Variants in GSE1 observed in about 807,000 individuals in gnomAD.
GSE1 encodes the protein Gse1 coiled-coil protein, also known as genetic suppressor element 1.
In GSE1, 32 loss-of-function variants were observed where a neutral mutation model predicts 112.6. That is an observed-to-expected ratio of 0.28 (90% CI 0.21 to 0.38). The LOEUF (loss-of-function observed/expected upper bound fraction) is 0.38, where lower values mean the gene tolerates loss of function less well. Ranked by LOEUF, GSE1 falls within the 10% of genes least tolerant of loss-of-function variation. The probability of loss-of-function intolerance (pLI) is 1.00; values close to 1 mark genes in which losing one functional copy is unlikely to be tolerated. For missense variants in GSE1, 2,348 were observed against 1,699.2 expected, an observed-to-expected ratio of 1.38 and a Z score of -6.71; for synonymous variants, 1,115 against 735.6, an observed-to-expected ratio of 1.52 and a Z score of -8.35.
intron 1 of GSE1, among the ~76,000 whole-genome samples, chr16:85,177,704 A>G (rs2074495850): frequency 6.6e-6 from 1 of 152,200 alleles, no homozygotes; most frequent in African/African-American, 2.4e-5. Context: ...CTGTGAGGCT[A>G]AGAACGGGAG....
At chr16:85,461,561 C>G (rs1229862725) in intron 2 of GSE1, among the ~76,000 whole-genome samples, 1 of 152,126 alleles carries the variant, frequency 6.6e-6, no homozygotes, top group African/African-American at 2.4e-5. Flanking sequence ...TAATCTGTTG[C>G]GAGGGGTTCG....
At chr16:85,357,924 T>G (rs1597476767) in intron 2 of GSE1, among the ~76,000 whole-genome samples, 2 of 152,118 alleles carry the variant, frequency 1.3e-5, no homozygotes, top group East Asian at 3.9e-4. Flanking sequence ...ACCTATACAC[T>G]CTCTTGTCTT....
chr16:85,488,140 C>G (rs766813216), intron 2 of GSE1, among the ~76,000 whole-genome samples: 1 of 152,174 alleles, frequency 6.6e-6, no homozygotes, highest in Non-Finnish European at 1.5e-5. Context: ...GAGGAAAACC[C>G]GAGTGATGGG....
At chr16:85,438,524 G>C (rs547743834) in intron 2 of GSE1, among the ~76,000 whole-genome samples, 1 of 152,290 alleles carries the variant, frequency 6.6e-6, no homozygotes, top group South Asian at 2.1e-4. Flanking sequence ...TAGAAGGTAG[G>C]TGCTGTCAGC....
rs13333717 is a variant in GSE1 at position 85,434,330 on chromosome 16, A to C, written c.2464+76687A>C. Among the ~76,000 whole-genome samples the C allele has an allele frequency of 2.5e-3, 304 of 122,072 alleles. 2 individuals are homozygous for C. The East Asian group carries it at 0.049, about 20-fold the overall frequency. The allele number at this position is 122,072 out of a possible 152,430, so 80.1% of individuals were successfully genotyped here. ...GTCTAATAATAATAATAATAATAAT[A>C]ATAATAATAATAATAATCAGTGCCG... On this transcript the variant is annotated intron_variant, in intron 2 of 2. Coordinates refer to the GSE1 transcript ENST00000637419.
chr16:85,219,540 C>T (rs1426422359), intron 1 of GSE1, among the ~76,000 whole-genome samples: 2 of 152,110 alleles, frequency 1.3e-5, no homozygotes, highest in South Asian at 2.1e-4. Flanking sequence ...CTCTAGAAAG[C>T]CCCCTCTTGA....
chr16:85,302,054 T>A (rs2045541357), intron 1 of GSE1, among the ~76,000 whole-genome samples: 1 of 152,196 alleles, frequency 6.6e-6, no homozygotes, highest in Admixed American at 6.5e-5. Context: ...CCGGCTGAGC[T>A]GCAGGGCAGC....
At chr16:85,665,482 C>T (rs1050666465) in intron 12 of GSE1, among the ~76,000 whole-genome samples, 2 of 152,194 alleles carry the variant, frequency 1.3e-5, no homozygotes, top group African/African-American at 2.4e-5. Context: ...CCTTAGTGCC[C>T]GCAGCCTGGT....
At chr16:85,565,060 G>A (rs748217598) in intron 1 of GSE1, among the ~76,000 whole-genome samples, 6 of 152,050 alleles carry the variant, frequency 3.9e-5, no homozygotes, top group Admixed American at 1.3e-4. Context: ...ACATGAACTC[G>A]ATTCTGTTGT....
At chr16:85,453,447 G>A (rs1323019159) in intron 2 of GSE1, among the ~76,000 whole-genome samples, 1 of 152,162 alleles carries the variant, frequency 6.6e-6, no homozygotes, top group Non-Finnish European at 1.5e-5. Flanking sequence ...GGGAGGGTTG[G>A]GGTATGGGGC....
intron 2 of GSE1, among the ~76,000 whole-genome samples, chr16:85,366,474 G>A (rs148611156): frequency 1.2e-3 from 184 of 152,364 alleles, no homozygotes; most frequent in African/African-American, 4.1e-3. Context: ...TTGTAATGCC[G>A]GGAGTGCAGA....
At chr16:85,275,349 G>A (rs1387843503) in intron 1 of GSE1, among the ~76,000 whole-genome samples, 4 of 152,324 alleles carry the variant, frequency 2.6e-5, no homozygotes, top group East Asian at 1.9e-4. Context: ...ACAGAAGCCC[G>A]GGCAGAGGGC....
At chr16:85,372,691 T>C (rs2047328935) in intron 2 of GSE1, among the ~76,000 whole-genome samples, 2 of 152,072 alleles carry the variant, frequency 1.3e-5, no homozygotes, top group African/African-American at 4.8e-5. Context: ...GGGTCTTAGA[T>C]TCCAGATCCC....
intron 1 of GSE1, among the ~76,000 whole-genome samples, chr16:85,262,699 A>G (rs1057325195): frequency 1.3e-5 from 2 of 152,304 alleles, no homozygotes; most frequent in East Asian, 1.9e-4. Flanking sequence ...CCGAGACTCC[A>G]TGTGTGACCT....
chr16:85,632,712 G>A lies in GSE1; in HGVS notation c.8-1202G>A, dbSNP rs376967918. Among the ~76,000 whole-genome samples the A allele has an allele frequency of 1.8e-3, 267 of 151,780 alleles. 1 individual carries two copies. Among genetic ancestry groups the A allele is most frequent in the African/African-American group, 5.5e-3 (228 of 41,086 alleles). On this transcript the variant is annotated intron_variant, in intron 1 of 15. Transcript: ENST00000253458. ...TTACCCCATAGGAAGTGCACAGTCC[G>A]CCCCTCTTGTGTGTTGCCCCCCGGA...
intron 2 of GSE1, among the ~76,000 whole-genome samples, chr16:85,421,473 T>G (rs1552262): frequency 0.048 from 7,378 of 152,308 alleles, 268 homozygotes; most frequent in East Asian, 0.13. Flanking sequence ...GGGCAGGGCC[T>G]GGCCCCAGGA....
At chr16:85,186,592 G>A (rs1477730834) in intron 1 of GSE1, among the ~76,000 whole-genome samples, 1 of 149,742 alleles carries the variant, frequency 6.7e-6, no homozygotes, top group Non-Finnish European at 1.5e-5. Flanking sequence ...GACAGAGTGA[G>A]ACTCTGTCTC....
intron 1 of GSE1, among the ~76,000 whole-genome samples, chr16:85,263,629 A>G (rs1372205880): frequency 6.6e-6 from 1 of 151,296 alleles, no homozygotes; most frequent in Admixed American, 6.6e-5. Context: ...CTGGAGTGCA[A>G]TGGAGTGATT....
chr16:85,352,415 G>A (rs759663171), intron 1 of GSE1, among the ~76,000 whole-genome samples: 11 of 152,280 alleles, frequency 7.2e-5, no homozygotes, highest in Admixed American at 2.0e-4. Flanking sequence ...CCAGTCCTCC[G>A]AGGCCCAGTC....
Sources: allele counts gnomAD v4.1 joint callset (sites outside exome capture counted in the v4.1 genomes callset), GRCh38; gene constraint gnomAD v4.1.1; transcripts MANE v1.5; gene names NCBI Gene and HGNC (gene_info 2026-07-23, HGNC 2026-07-21).